The following GSDME variants were observed in gnomAD, a reference collection of about 807,000 sequenced individuals.
GSDME encodes gasdermin E.
Under a neutral mutation model 47.5 loss-of-function variants are expected in GSDME, and 44 were observed. That is an observed-to-expected ratio of 0.93 (90% confidence interval 0.73 to 1.19). The LOEUF is 1.19. Among genes scored for constraint, GSDME ranks in the 50% most tolerant of loss-of-function variants. GSDME has a pLI of 0.00. For missense variants in GSDME, 663 were observed against 604.2 expected (o/e 1.10, Z -1.02); for synonymous variants, 258 against 252.8 (o/e 1.02, Z -0.20).
At chr7:24,702,865 A>T (rs761785246) in intron 8 of GSDME, 32 bp from the exon 9 acceptor site, 1 of 1,593,042 alleles carries the variant, frequency 6.3e-7, no homozygotes, top group East Asian at 2.3e-5. Flanking sequence ...GTCACAGTCC[A>T]AAAAAACAAG....
chr7:24,752,808 G>A (rs1165160330), intron 1 of GSDME, among the ~76,000 whole-genome samples: 2 of 152,168 alleles, frequency 1.3e-5, no homozygotes, highest in Non-Finnish European at 2.9e-5. Flanking sequence ...CAAGCTGAAA[G>A]GGAGTTCACT....
At chr7:24,795,388 C>T in the GSDME span, among the ~76,000 whole-genome samples, 4 of 152,268 alleles carry the variant, frequency 2.6e-5, no homozygotes, top group South Asian at 6.2e-4. Flanking sequence ...CCCTCAGACA[C>T]CGAGTTGAGG....
At chr7:24,766,285 C>A in the GSDME span, among the ~76,000 whole-genome samples, 2 of 145,872 alleles carry the variant, frequency 1.4e-5, no homozygotes, top group Non-Finnish European at 3.0e-5. The surrounding 1 kb of genome is among the most constrained non-coding windows in gnomAD (Gnocchi z 4.2). Flanking sequence ...AGACCCTGCA[C>A]AACACTTTAT....
intron 5 of GSDME, among the ~76,000 whole-genome samples, chr7:24,711,729 C>A (rs1438447158): frequency 6.6e-6 from 1 of 151,330 alleles, no homozygotes. Context: ...GTAGGAGGAT[C>A]CCTTAAGCCC....
At chr7:24,793,344 C>A in the GSDME span, among the ~76,000 whole-genome samples, 1 of 152,104 alleles carries the variant, frequency 6.6e-6, no homozygotes, top group Non-Finnish European at 1.5e-5. Flanking sequence ...CTGGATGATA[C>A]CCCTTTAACT....
chr7:24,763,326 C>A, the GSDME span, among the ~76,000 whole-genome samples: 1 of 151,820 alleles, frequency 6.6e-6, no homozygotes, highest in Non-Finnish European at 1.5e-5. The surrounding 1 kb of genome is among the most constrained non-coding windows in gnomAD (Gnocchi z 4.3). Flanking sequence ...CACTTTCTCA[C>A]TTTACAGCTT....
rs1789547943 is a variant in GSDME, at chr7:24,716,225, T to C, written c.697+1029A>G. On this transcript the variant is annotated intron_variant, in intron 5 of 9. Coordinates refer to ENST00000645220, the MANE Select transcript of GSDME (RefSeq NM_001127453.2). The surrounding 1 kb of genome is among the most constrained non-coding windows in gnomAD (Gnocchi z 4.5). Reference sequence around the variant, plus strand: ...TGCACAGGAATAGAGAGGAGGAGCGTGAACCAGCGTGTGCCCATCAGCCAG... The same window carrying C: ...TGCACAGGAATAGAGAGGAGGAGCGCGAACCAGCGTGTGCCCATCAGCCAG... Among the ~76,000 whole-genome samples, 1 of 152,142 alleles carries C rather than the reference T, an allele frequency of 6.6e-6. No individual in the cohort carries two copies. The highest frequency in any genetic ancestry group is 1.5e-5 in the Non-Finnish European group (1 of 68,020).
rs1440443950 is a variant in GSDME at position 24,721,624 on chromosome 7, C to A, written c.405-2406G>T. Among the ~76,000 whole-genome samples, 2 of 152,230 alleles carry A rather than the reference C, an allele frequency of 1.3e-5. No individual in the cohort carries two copies. The highest frequency in any genetic ancestry group is 2.9e-5 in the Non-Finnish European group (2 of 68,034). On this transcript the variant is annotated intron_variant, in intron 3 of 9. Transcript: ENST00000645220. This position sits in a 1 kb window ranked among gnomAD's most constrained non-coding sequence, Gnocchi z 4.1. ...GCCGAGCACAGAGTTAAATGCCACA[C>A]AAACACTAGCTGGCTCCGCCCACCT... is the stretch of plus-strand genomic sequence containing the variant.
At position 24,742,505 on chromosome 7, in the gene GSDME, T is replaced by C. The variant is rs1233310638; in HGVS notation, c.404+2057A>G. Among the ~76,000 whole-genome samples the C allele has an allele frequency of 1.3e-5, 2 of 152,214 alleles. No individual in the cohort carries two copies. The highest frequency in any genetic ancestry group is 2.9e-5 in the Non-Finnish European group (2 of 68,024). ...TCTTCCTCCACTCAGAACTGTTGGC[T>C]CTGGCTTCTTTCTCTCCGGAATGTT... On this transcript the variant is annotated intron_variant, in intron 3 of 9. Transcript: ENST00000645220. The surrounding 1 kb of genome is among the most constrained non-coding windows in gnomAD (Gnocchi z 4.4).
In GSDME at chr7:24,736,740, C is replaced by T. The variant is rs943179799; in HGVS notation, c.404+7822G>A. ...TTTTCCTCAGCACATGGATCATTCG[C>T]AAGGATAGACCATATGTTAGGCCAC... On this transcript the variant is annotated intron_variant, in intron 3 of 9. Coordinates refer to ENST00000645220, the MANE Select transcript of GSDME (RefSeq NM_001127453.2). This position sits in a 1 kb window ranked among gnomAD's most constrained non-coding sequence, Gnocchi z 4.6. Among the ~76,000 whole-genome samples the T allele has an allele frequency of 6.6e-6, 1 of 152,110 alleles. No individual in the cohort carries two copies. Among genetic ancestry groups the T allele is most frequent in the Non-Finnish European group, 1.5e-5 (1 of 68,030 alleles).
rs1056689432 is a variant in GSDME, at chr7:24,745,522, T to C, written c.212-768A>G. ...GTCAGTGGACATGCCCTTTTTAAAATGATAAATGTCTGATCTCATATCTGA... is the reference window on the plus strand; with the variant it reads ...GTCAGTGGACATGCCCTTTTTAAAACGATAAATGTCTGATCTCATATCTGA... On this transcript the variant is annotated intron_variant, in intron 2 of 9. Coordinates refer to ENST00000645220, the MANE Select transcript of GSDME (RefSeq NM_001127453.2). This position sits in a 1 kb window ranked among gnomAD's most constrained non-coding sequence, Gnocchi z 4.4. Among the ~76,000 whole-genome samples, 5 of 152,226 alleles carry C rather than the reference T, an allele frequency of 3.3e-5. No individual in the cohort carries two copies. The highest frequency in any genetic ancestry group is 1.2e-4 in the African/African-American group (5 of 41,462).
chr7:24,788,233 C>A, the GSDME span, among the ~76,000 whole-genome samples: 6 of 152,200 alleles, frequency 3.9e-5, no homozygotes, highest in African/African-American at 1.4e-4. The surrounding 1 kb of genome is among the most constrained non-coding windows in gnomAD (Gnocchi z 4.6). Context: ...GAACTGCACC[C>A]TGGGGCTCTG....
chr7:24,739,012 C>T lies in GSDME; in HGVS notation c.404+5550G>A, dbSNP rs914726252. Among the ~76,000 whole-genome samples the T allele has an allele frequency of 6.6e-6, 1 of 152,116 alleles. No homozygotes were observed. The highest frequency in any genetic ancestry group is 1.5e-5 in the Non-Finnish European group (1 of 68,016). ...TGGATTAAACACTTAAATCTAAGACCTCAAACTATGAAACTACTATAAGAA... is the reference window on the plus strand; with the variant it reads ...TGGATTAAACACTTAAATCTAAGACTTCAAACTATGAAACTACTATAAGAA... On this transcript the variant is annotated intron_variant, in intron 3 of 9. Transcript: ENST00000645220. The surrounding 1 kb of genome is among the most constrained non-coding windows in gnomAD (Gnocchi z 5.1).
the GSDME span, among the ~76,000 whole-genome samples, chr7:24,774,403 C>T: frequency 1.3e-5 from 2 of 151,052 alleles, no homozygotes; most frequent in African/African-American, 2.4e-5. Context: ...GGCCCAGGAC[C>T]TCCCAAAATA....
the GSDME span, among the ~76,000 whole-genome samples, chr7:24,769,394 C>T: frequency 4.6e-5 from 7 of 152,288 alleles, no homozygotes; most frequent in East Asian, 9.6e-4. Context: ...ATTCTTGCAG[C>T]GGGAGGCGGG....
intron 3 of GSDME, among the ~76,000 whole-genome samples, chr7:24,720,866 C>T (rs1389682151): frequency 6.6e-6 from 1 of 151,508 alleles, no homozygotes; most frequent in Non-Finnish European, 1.5e-5. Context: ...GAGATTGTGC[C>T]ACCGCACTCC....
At chr7:24,766,819 A>T in the GSDME span, among the ~76,000 whole-genome samples, 7 of 152,220 alleles carry the variant, frequency 4.6e-5, no homozygotes, top group African/African-American at 1.4e-4. This position sits in a 1 kb window ranked among gnomAD's most constrained non-coding sequence, Gnocchi z 4.2. Context: ...GTATATACCC[A>T]GTAATGGGAT....
chr7:24,779,571 AAAAAG>A, the GSDME span, among the ~76,000 whole-genome samples: 1 of 151,158 alleles, frequency 6.6e-6, no homozygotes, highest in Non-Finnish European at 1.5e-5. This position sits in a 1 kb window ranked among gnomAD's most constrained non-coding sequence, Gnocchi z 6.0. Flanking sequence ...CAGGGGAAAA[AAAAAG>A]AAAACAGAAA....
intron 3 of GSDME, among the ~76,000 whole-genome samples, chr7:24,730,056 G>C (rs1790095083): frequency 6.6e-6 from 1 of 152,228 alleles, no homozygotes; most frequent in Admixed American, 6.5e-5. Context: ...AGCTATGTCT[G>C]ATATTCAGAT....
Sources: gnomAD v4.1 joint callset for allele counts (sites outside exome capture counted in the v4.1 genomes callset) on GRCh38, gnomAD v4.1.1 for gene constraint, Gnocchi (gnomAD v3.1) non-coding constraint, MANE v1.5 for transcripts, NCBI Gene and HGNC (gene_info 2026-07-23, HGNC 2026-07-21) for gene names.